Variants in ANXA2 observed in about 807,000 individuals in gnomAD.
ANXA2 encodes annexin A2.
A neutral mutation model predicts 47.3 loss-of-function variants in ANXA2; 28 were observed. The observed-to-expected ratio is 0.59, with a 90% CI of 0.44 to 0.81. ANXA2 has a LOEUF of 0.81. ANXA2 is among the 40% of genes least tolerant of loss of function. ANXA2 has a pLI of 0.00. For synonymous variants in ANXA2, 172 were observed against 155.5 expected, an observed-to-expected ratio of 1.11 and a Z score of -0.79; for missense variants, 384 against 414.3, an observed-to-expected ratio of 0.93 and a Z score of 0.64.
At chr15:60,388,571 CT>C (rs1480059236) in intron 1 of ANXA2, among the ~76,000 whole-genome samples, 1 of 149,864 alleles carries the variant, frequency 6.7e-6, no homozygotes, top group Non-Finnish European at 1.5e-5. Context: ...ATTTAATTTC[CT>C]TTTTCCTTTT....
Position 60,385,285 on chromosome 15 carries a change from G to A in ANXA2, c.48+743C>T, listed in dbSNP as rs193202327. Among the ~76,000 whole-genome samples, 7 of 152,104 alleles carry A rather than the reference G, an allele frequency of 4.6e-5. No homozygotes were observed. In the East Asian group the frequency reaches 1.4e-3, roughly 29 times the overall value. On this transcript the variant is annotated intron_variant, in intron 2 of 12. Coordinates refer to ENST00000451270, the MANE Select transcript of ANXA2 (RefSeq NM_004039.3). The stretch of plus-strand genomic sequence containing the variant: ...GAAATTTTTTAAAGTATAGGTCCTC[G>A]AGCCAGGCATGGTGGCTCCCACCTG...
At chr15:60,371,768 T>C (rs1216964349) in intron 3 of ANXA2, among the ~76,000 whole-genome samples, 1 of 152,170 alleles carries the variant, frequency 6.6e-6, no homozygotes, top group East Asian at 1.9e-4. Context: ...TCATCTTTAC[T>C]AAAAGAAGGT....
intron 3 of ANXA2, among the ~76,000 whole-genome samples, chr15:60,372,518 C>T (rs1377815919): frequency 6.6e-6 from 1 of 152,132 alleles, no homozygotes; most frequent in African/African-American, 2.4e-5. Flanking sequence ...AAGACTCCTG[C>T]TCAAGGGGCC....
chr15:60,356,692 T>C (rs762776459), intron 6 of ANXA2, among the ~76,000 whole-genome samples: 4 of 152,184 alleles, frequency 2.6e-5, no homozygotes, highest in African/African-American at 9.7e-5. Flanking sequence ...GTAAGTTGCA[T>C]TGTTTATTCC....
chr15:60,362,800 CTCA>C (rs1486969371), intron 4 of ANXA2: 1 of 151,956 alleles, frequency 6.6e-6, no homozygotes, highest in Non-Finnish European at 1.5e-5. Context: ...ATCTTGGGAC[CTCA>C]TCATAATTCT....
intron 8 of ANXA2, among the ~76,000 whole-genome samples, chr15:60,353,155 T>G (rs2062374780): frequency 6.6e-6 from 1 of 152,222 alleles, no homozygotes; most frequent in South Asian, 2.1e-4. Flanking sequence ...AAACTAACAT[T>G]AATTTAAATT....
chr15:60,392,284 T>C (rs2063023173), intron 1 of ANXA2, among the ~76,000 whole-genome samples: 1 of 152,294 alleles, frequency 6.6e-6, no homozygotes, highest in Admixed American at 6.5e-5. Flanking sequence ...AAACAAGTCA[T>C]TTACATTTAA....
At chr15:60,349,014 C>T (rs1187795438) in intron 12 of ANXA2, 61 bp downstream of exon 12, 15 of 1,599,186 alleles carry the variant, frequency 9.4e-6, no homozygotes, top group Non-Finnish European at 1.3e-5. Flanking sequence ...TGCCAGGCCA[C>T]CTGCCAGGGC....
chr15:60,352,508 T>C lies in ANXA2; in HGVS notation c.589-32A>G. The C allele has an allele frequency of 6.8e-7, 1 of 1,474,274 alleles. No homozygotes were observed. The highest frequency in any genetic ancestry group is 9.4e-7 in the Non-Finnish European group (1 of 1,060,970). 91.3% of individuals were successfully genotyped at this position (1,474,274 alleles called of 1,614,324 possible). ...GTACAACCAACCAGGAAAAGTTAAC[T>C]ACACATCCAATGTAACGTCAAAAAA... is the stretch of plus-strand genomic sequence containing the variant. On this transcript the variant is annotated intron_variant, in intron 8 of 12. Transcript: ENST00000451270. This position sits in a 1 kb window ranked among gnomAD's most constrained non-coding sequence, Gnocchi z 4.2.
chr15:60,365,698 T>A (rs1045380339), intron 3 of ANXA2, among the ~76,000 whole-genome samples: 1 of 152,242 alleles, frequency 6.6e-6, no homozygotes, highest in Non-Finnish European at 1.5e-5. Flanking sequence ...AATAACTTTT[T>A]AAAATGTATA....
intron 7 of ANXA2, among the ~76,000 whole-genome samples, chr15:60,354,681 G>A (rs2062399973): frequency 6.6e-6 from 1 of 151,544 alleles, no homozygotes; most frequent in Non-Finnish European, 1.5e-5. Flanking sequence ...GACCAGCCAA[G>A]GAGTGGTAAA....
intron 3 of ANXA2, among the ~76,000 whole-genome samples, chr15:60,376,138 G>C (rs558636233): frequency 6.6e-6 from 1 of 152,166 alleles, no homozygotes; most frequent in African/African-American, 2.4e-5. Flanking sequence ...AGCACTTTGG[G>C]AGGCTGAGGC....
intron 7 of ANXA2, among the ~76,000 whole-genome samples, chr15:60,354,619 C>CAAAAAAAAA: frequency 9.2e-6 from 1 of 109,174 alleles, no homozygotes; most frequent in Non-Finnish European, 1.8e-5. Context: ...GACTCTGTCT[C>CAAAAAAAAA]AAAAAAAAAA....
rs2062932127 is a variant in ANXA2, at chr15:60,386,259, A to AGAT, written c.-11-176_-11-174dup. On this transcript the variant is annotated intron_variant, in intron 1 of 12. Transcript: ENST00000451270. The stretch of plus-strand genomic sequence containing the variant: ...TACGACTGTAAAAACTAAACCTCAG[A>AGAT]GATGGTCTGCCTTGGGTTGGGATGG... The AGAT allele has an allele frequency of 6.7e-6, 4 of 595,758 alleles. No individual in the cohort carries two copies. The African/African-American group carries it at 7.5e-5, about 11-fold the overall frequency. 36.9% of individuals were successfully genotyped at this position (595,758 alleles called of 1,614,324 possible).
chr15:60,385,321 A>C (rs1367617064), intron 2 of ANXA2, among the ~76,000 whole-genome samples: 4 of 152,220 alleles, frequency 2.6e-5, no homozygotes, highest in Non-Finnish European at 5.9e-5. Flanking sequence ...TAATCCCAGC[A>C]CTTTGGGAGG....
intron 2 of ANXA2, chr15:60,383,375 C>T (rs1048195294): frequency 1.3e-5 from 2 of 152,338 alleles, no homozygotes; most frequent in African/African-American, 4.8e-5. Context: ...GTGATCCTCC[C>T]ATCTTGGCCT....
At chr15:60,393,783 C>A in intron 1 of ANXA2, 1 of 802,760 alleles carries the variant, frequency 1.2e-6, no homozygotes, top group Non-Finnish European at 1.5e-6. Context: ...CCGTATTATC[C>A]GCCCACAGGG....
At chr15:60,384,603 A>G (rs1172325442) in intron 2 of ANXA2, 1 of 152,230 alleles carries the variant, frequency 6.6e-6, no homozygotes, top group Non-Finnish European at 1.5e-5. Flanking sequence ...TTAGAGAAAC[A>G]AATTATTTAG....
At chr15:60,394,072 C>A (rs1471884036) in intron 1 of ANXA2, among the ~76,000 whole-genome samples, 1 of 152,168 alleles carries the variant, frequency 6.6e-6, no homozygotes, top group East Asian at 1.9e-4. Context: ...CGCTTCAGGG[C>A]AGCCTCTTAT....
Sources: allele counts gnomAD v4.1 joint callset (sites outside exome capture counted in the v4.1 genomes callset), GRCh38; gene constraint gnomAD v4.1.1; non-coding constraint Gnocchi (gnomAD v3.1); transcripts MANE v1.5; gene names NCBI Gene and HGNC (gene_info 2026-07-23, HGNC 2026-07-21).